Variants in DMD observed in about 807,000 individuals in gnomAD.
DMD encodes the protein dystrophin.
Under a neutral mutation model 330.1 loss-of-function variants are expected in DMD, and 63 were observed. That is an observed-to-expected ratio of 0.19 (90% CI 0.16 to 0.24). The LOEUF (loss-of-function observed/expected upper bound fraction) is 0.24, where lower values mean the gene tolerates loss of function less well. DMD is among the 10% of genes least tolerant of loss of function. The probability of loss-of-function intolerance (pLI) is 1.00; values close to 1 mark genes in which losing one functional copy is unlikely to be tolerated. For synonymous variants in DMD, 1,223 were observed against 959.8 expected, an observed-to-expected ratio of 1.27 and a Z score of -5.07; for missense variants, 3,344 against 2,684.1, an observed-to-expected ratio of 1.25 and a Z score of -5.43.
chrX:32,200,567 ACAT>A (rs2097030660), intron 44 of DMD, among the ~76,000 whole-genome samples: 2 of 111,171 alleles, frequency 1.8e-5, no homozygotes, highest in African/African-American at 6.5e-5. Context: ...TTCACATGTA[ACAT>A]CAGTTACATA....
At chrX:32,161,629 T>A (rs2096849692) in intron 44 of DMD, among the ~76,000 whole-genome samples, 1 of 112,120 alleles carries the variant, frequency 8.9e-6, no homozygotes, top group African/African-American at 3.2e-5. Context: ...AAGACCCCTA[T>A]AAAATGCAAA....
intron 2 of DMD, among the ~76,000 whole-genome samples, chrX:32,889,499 G>A (rs1446217356): frequency 9.0e-6 from 1 of 110,571 alleles, no homozygotes; most frequent in Non-Finnish European, 1.9e-5. Context: ...CATATCCCCT[G>A]TGACCTGCCC....
intron 11 of DMD, among the ~76,000 whole-genome samples, chrX:32,634,952 G>C (rs1569353793): frequency 9.0e-6 from 1 of 111,709 alleles, no homozygotes; most frequent in Admixed American, 9.5e-5. Context: ...GACTACCTTT[G>C]AAGTTTATTT....
chrX:33,025,330 G>A (rs1367472714), intron 1 of DMD, among the ~76,000 whole-genome samples: 1 of 111,532 alleles, frequency 9.0e-6, no homozygotes, highest in Admixed American at 9.5e-5. Flanking sequence ...ATTCTGTTTT[G>A]TTGCACTCTA....
intron 55 of DMD, among the ~76,000 whole-genome samples, chrX:31,585,073 G>A: frequency 9.1e-6 from 1 of 110,347 alleles, no homozygotes; most frequent in Non-Finnish European, 1.9e-5. Context: ...TGTAATCCCA[G>A]CACTTTGGGA....
chrX:32,114,693 AC>A (rs1603626111), intron 44 of DMD, among the ~76,000 whole-genome samples: 1 of 112,064 alleles, frequency 8.9e-6, no homozygotes, highest in Admixed American at 9.5e-5. Context: ...CACAGATTTT[AC>A]TGTACCTATC....
chrX:32,707,251 G>A (rs1209682818), intron 7 of DMD, among the ~76,000 whole-genome samples: 1 of 112,348 alleles, frequency 8.9e-6, no homozygotes, highest in East Asian at 2.8e-4. Flanking sequence ...AAGAATGACT[G>A]TAATGGGAAA....
intron 50 of DMD, among the ~76,000 whole-genome samples, chrX:31,811,279 T>C (rs1207861358): frequency 3.6e-5 from 4 of 112,409 alleles, no homozygotes; most frequent in Non-Finnish European, 3.8e-5. Context: ...GCCACTGTAG[T>C]GCCTTTCCTG....
At chrX:32,221,406 C>A (rs773300732) in intron 43 of DMD, among the ~76,000 whole-genome samples, 1 of 111,210 alleles carries the variant, frequency 9.0e-6, no homozygotes, top group East Asian at 2.8e-4. Context: ...TTCTCCCCAA[C>A]CCTCAACTTC....
intron 11 of DMD, among the ~76,000 whole-genome samples, chrX:32,641,883 G>GA (rs1324251170): frequency 1.8e-5 from 2 of 110,010 alleles, no homozygotes; most frequent in East Asian, 2.9e-4. Flanking sequence ...CATATATTTA[G>GA]AAAAAAAATA....
At chrX:31,587,173 G>A (rs2076648978) in intron 55 of DMD, among the ~76,000 whole-genome samples, 1 of 111,169 alleles carries the variant, frequency 9.0e-6, no homozygotes, top group South Asian at 3.7e-4. Context: ...TAACTTACAG[G>A]TATTAAGTTT....
At chrX:31,250,725 T>A (rs1347123937) in intron 63 of DMD, among the ~76,000 whole-genome samples, 1 of 111,514 alleles carries the variant, frequency 9.0e-6, no homozygotes, top group Non-Finnish European at 1.9e-5. Context: ...TTACATGTGG[T>A]GTGAATGCAT....
At chrX:32,058,406 AT>A (rs1323196398) in intron 44 of DMD, among the ~76,000 whole-genome samples, 1 of 110,188 alleles carries the variant, frequency 9.1e-6, no homozygotes. Flanking sequence ...GAACAACCCA[AT>A]TTTTAAAGTG....
At chrX:32,129,253 C>T (rs2096676393) in intron 44 of DMD, among the ~76,000 whole-genome samples, 1 of 111,475 alleles carries the variant, frequency 9.0e-6, no homozygotes, top group South Asian at 3.7e-4. Flanking sequence ...AGCTTTGCTT[C>T]ATCAGATTAC....
intron 50 of DMD, among the ~76,000 whole-genome samples, chrX:31,811,571 G>A (rs1271202155): frequency 8.9e-6 from 1 of 112,086 alleles, no homozygotes; most frequent in African/African-American, 3.2e-5. Flanking sequence ...TTGGGATAGG[G>A]TTTAAAATGG....
chrX:32,289,939 T>C (rs1214266201), intron 42 of DMD, among the ~76,000 whole-genome samples: 1 of 111,691 alleles, frequency 9.0e-6, no homozygotes, highest in African/African-American at 3.3e-5. Flanking sequence ...TTCCTTTACT[T>C]TCTTAATAAA....
At position 31,903,318 on chromosome X, in the gene DMD, G is replaced by C. The variant is rs778317523; in HGVS notation, c.6912+26278C>G. On this transcript the variant is annotated intron_variant, in intron 47 of 78. Transcript: ENST00000357033. ...ATTTCAAATGCTCATATGGTAGGCT[G>C]TTGTTACCACATTGGAGAGCACTGA... is the stretch of plus-strand genomic sequence containing the variant. Among the ~76,000 whole-genome samples, 13 of 111,578 alleles carry C rather than the reference G, an allele frequency of 1.2e-4. No homozygotes were observed. The Admixed American group carries it at 1.2e-3, about 11-fold the overall frequency.
At chrX:32,683,537 G>C (rs1196607633) in intron 9 of DMD, among the ~76,000 whole-genome samples, 1 of 104,306 alleles carries the variant, frequency 9.6e-6, no homozygotes, top group Non-Finnish European at 1.9e-5. Context: ...GCAAACTATC[G>C]CAAGGACAAA....
intron 37 of DMD, among the ~76,000 whole-genome samples, chrX:32,350,215 A>C (rs2097776778): frequency 1.8e-5 from 2 of 111,023 alleles, no homozygotes; most frequent in South Asian, 7.4e-4. Flanking sequence ...TCATCTCTCC[A>C]TGAATTTAAC....
Sources: gnomAD v4.1 joint callset for allele counts (sites outside exome capture counted in the v4.1 genomes callset) on GRCh38, gnomAD v4.1.1 for gene constraint, MANE v1.5 for transcripts, NCBI Gene and HGNC (gene_info 2026-07-23, HGNC 2026-07-21) for gene names.